PTPRN2: variants seen among roughly 807,000 people sequenced by gnomAD.
The protein encoded by PTPRN2 is protein tyrosine phosphatase receptor type N2.
Under a neutral mutation model 118.8 loss-of-function variants are expected in PTPRN2, and 74 were observed. The observed-to-expected ratio is 0.62, with a 90% CI of 0.52 to 0.76. PTPRN2 has a LOEUF of 0.76. Ranked by LOEUF, PTPRN2 falls within the 30% of genes least tolerant of loss-of-function variation. PTPRN2 has a pLI of 0.00. For missense variants in PTPRN2, 1,481 were observed against 1,394.4 expected, an observed-to-expected ratio of 1.06 and a Z score of -0.99; for synonymous variants, 641 against 608.0, an observed-to-expected ratio of 1.05 and a Z score of -0.80.
chr7:158,506,955 G>A (rs904693378), intron 1 of PTPRN2, among the ~76,000 whole-genome samples: 3 of 152,226 alleles, frequency 2.0e-5, no homozygotes, highest in African/African-American at 7.2e-5. Context: ...CTGGTTCGGG[G>A]TGGTTTGATG....
At chr7:158,214,116 T>C (rs1827801011) in intron 3 of PTPRN2, among the ~76,000 whole-genome samples, 1 of 151,918 alleles carries the variant, frequency 6.6e-6, no homozygotes, top group South Asian at 2.1e-4. Flanking sequence ...AATGCAGAGG[T>C]ATGGGAGTTT....
intron 3 of PTPRN2, among the ~76,000 whole-genome samples, chr7:158,302,501 T>C (rs1222458585): frequency 6.6e-6 from 1 of 152,250 alleles, no homozygotes; most frequent in Admixed American, 6.5e-5. Context: ...TTCCCTCACC[T>C]GTACGGGGGT....
intron 11 of PTPRN2, among the ~76,000 whole-genome samples, chr7:157,984,925 C>T (rs1293652575): frequency 6.6e-6 from 1 of 152,190 alleles, no homozygotes; most frequent in East Asian, 1.9e-4. Flanking sequence ...GTGTAGAGGC[C>T]TCCTGGCTTC....
intron 22 of PTPRN2, among the ~76,000 whole-genome samples, chr7:157,545,402 AGTGGGTGT>A (rs1798261520): frequency 9.1e-6 from 1 of 110,190 alleles, no homozygotes; most frequent in African/African-American, 3.6e-5. Context: ...GCACTGCGTG[AGTGGGTGT>A]GTAGGTGTGT....
chr7:157,709,764 G>A (rs371579243), intron 12 of PTPRN2, among the ~76,000 whole-genome samples: 11 of 152,320 alleles, frequency 7.2e-5, no homozygotes, highest in African/African-American at 2.4e-4. Flanking sequence ...CACTCAGCCC[G>A]GCCCATCCAC....
intron 3 of PTPRN2, among the ~76,000 whole-genome samples, chr7:158,312,329 C>G (rs1387794045): frequency 1.3e-5 from 2 of 151,110 alleles, no homozygotes; most frequent in Non-Finnish European, 2.9e-5. Context: ...CACACATCTG[C>G]ACATGCACTC....
intron 3 of PTPRN2, among the ~76,000 whole-genome samples, chr7:158,307,941 C>A (rs1195338995): frequency 6.6e-6 from 1 of 152,130 alleles, no homozygotes; most frequent in Non-Finnish European, 1.5e-5. Flanking sequence ...TGCTCAGCCT[C>A]CTCATCATGT....
chr7:158,331,936 C>A (rs1357497571), intron 2 of PTPRN2, among the ~76,000 whole-genome samples: 1 of 150,706 alleles, frequency 6.6e-6, no homozygotes, highest in African/African-American at 2.5e-5. Flanking sequence ...AGATGTCACT[C>A]ACACTCACAC....
chr7:158,586,300 A>G (rs1355449511), intron 1 of PTPRN2, among the ~76,000 whole-genome samples: 3 of 152,238 alleles, frequency 2.0e-5, no homozygotes, highest in Non-Finnish European at 4.4e-5. Context: ...AGACTGTGTC[A>G]AGACTCCTGG....
At chr7:157,545,974 G>T (rs1278410648) in intron 22 of PTPRN2, among the ~76,000 whole-genome samples, 1 of 152,200 alleles carries the variant, frequency 6.6e-6, no homozygotes, top group Non-Finnish European at 1.5e-5. Flanking sequence ...TGTAGGGGAA[G>T]TTTAGTCTCG....
In PTPRN2 at chr7:158,316,893, T is replaced by C. The variant is rs1345255607; in HGVS notation, c.203A>G (p.Asp68Gly). The C allele has an allele frequency of 1.2e-6, 2 of 1,612,736 alleles. No individual in the cohort carries two copies. Among genetic ancestry groups the C allele is most frequent in the African/African-American group, 2.7e-5 (2 of 74,930 alleles). ...FGRCQKVPAMDFYRYEVSPVA... is the reference protein window; with the variant it reads ...FGRCQKVPAMGFYRYEVSPVA... Reference sequence around the variant, plus strand: ...GGGCGACACCTCGTAGCGGTAAAAGTCCATTGCCGGAACCTTCTGGCACCT... The same window carrying C: ...GGGCGACACCTCGTAGCGGTAAAAGCCCATTGCCGGAACCTTCTGGCACCT... Residue 68 changes from aspartate (D) to glycine (G), a missense_variant, in exon 3 of 23, where the codon GAC becomes GGC. Physicochemically the swap from Asp to Gly is moderately conservative, Grantham distance 94 (BLOSUM62 -1). Coordinates refer to ENST00000389418, the MANE Select transcript of PTPRN2 (RefSeq NM_002847.5).
In PTPRN2 at chr7:157,596,302, G is replaced by A. The variant is rs545995837; in HGVS notation, c.2419-987C>T. Among the ~76,000 whole-genome samples, 3 of 152,292 alleles carry A rather than the reference G, an allele frequency of 2.0e-5. No individual in the cohort carries two copies. The highest frequency in any genetic ancestry group is 2.1e-4 in the South Asian group (1 of 4,822). ...CTGGGCCTGGGTCTGTGGCAGAGCC[G>A]GGGCGGAAGGGCCTTGCTGGGAGTG... On this transcript the variant is annotated intron_variant, in intron 16 of 22. Coordinates refer to ENST00000389418, the MANE Select transcript of PTPRN2 (RefSeq NM_002847.5). This position sits in a 1 kb window ranked among gnomAD's most constrained non-coding sequence, Gnocchi z 4.2.
intron 12 of PTPRN2, among the ~76,000 whole-genome samples, chr7:157,695,877 A>G (rs1797743166): frequency 2.0e-5 from 3 of 152,064 alleles, no homozygotes; most frequent in Admixed American, 6.5e-5. Flanking sequence ...AGCCCTCACC[A>G]TCTACCCATG....
chr7:157,814,374 C>T (rs934799897), intron 12 of PTPRN2, among the ~76,000 whole-genome samples: 19 of 151,908 alleles, frequency 1.3e-4, no homozygotes, highest in African/African-American at 3.1e-4. Context: ...CAGCGTTTGA[C>T]GGGCAGGGAG....
chr7:158,207,265 A>G lies in PTPRN2; in HGVS notation c.278-1992T>C, dbSNP rs541594065. ...GCTATTGTGAATAATGCCGCAATAA[A>G]CATACGTGTGCATGTGTCTTTATAG... On this transcript the variant is annotated intron_variant, in intron 3 of 22. Transcript: ENST00000389418. Among the ~76,000 whole-genome samples, 642 of 145,324 alleles carry G rather than the reference A, an allele frequency of 4.4e-3. 7 individuals are homozygous for G. Among genetic ancestry groups the G allele is most frequent in the African/African-American group, 0.016 (612 of 38,440 alleles).
chr7:158,001,683 C>A (rs964854651), intron 11 of PTPRN2, among the ~76,000 whole-genome samples: 1 of 152,170 alleles, frequency 6.6e-6, no homozygotes, highest in Non-Finnish European at 1.5e-5. Context: ...GTCATGATGC[C>A]AACTCCCAAT....
chr7:157,995,387 A>G (rs1804649627), intron 11 of PTPRN2, among the ~76,000 whole-genome samples: 1 of 152,142 alleles, frequency 6.6e-6, no homozygotes, highest in Non-Finnish European at 1.5e-5. Flanking sequence ...CAGCTTACAA[A>G]CGCTGTGTCA....
chr7:158,157,282 G>A (rs1821912204), intron 6 of PTPRN2, among the ~76,000 whole-genome samples: 1 of 152,210 alleles, frequency 6.6e-6, no homozygotes, highest in African/African-American at 2.4e-5. Flanking sequence ...GCCTTTAGGT[G>A]CCCTGCCAAT....
intron 6 of PTPRN2, among the ~76,000 whole-genome samples, chr7:158,146,515 A>G (rs900021643): frequency 3.6e-4 from 55 of 152,004 alleles, no homozygotes; most frequent in African/African-American, 4.8e-5. Context: ...AGGTCAGGAG[A>G]TCAAGACCAT....
Sources: gnomAD v4.1 joint callset for allele counts (sites outside exome capture counted in the v4.1 genomes callset) on GRCh38, gnomAD v4.1.1 for gene constraint, Gnocchi (gnomAD v3.1) non-coding constraint, MANE v1.5 for transcripts, NCBI Gene and HGNC (gene_info 2026-07-23, HGNC 2026-07-21) for gene names.